The following PKMYT1 variants were observed in gnomAD, a reference collection of about 807,000 sequenced individuals.
PKMYT1 encodes the protein membrane-associated tyrosine- and threonine-specific cdc2-inhibitory kinase.
A neutral mutation model predicts 49.7 loss-of-function variants in PKMYT1; 35 were observed. That is an observed-to-expected ratio of 0.70 (90% CI 0.54 to 0.93). The LOEUF is 0.93. PKMYT1 is among the 40% of genes least tolerant of loss of function. The pLI is 0.00. For missense variants in PKMYT1, 677 were observed against 673.1 expected, an observed-to-expected ratio of 1.01 and a Z score of -0.06; for synonymous variants, 331 against 287.6, an observed-to-expected ratio of 1.15 and a Z score of -1.53.
intron 1 of PKMYT1, 103 bp from the exon 2 acceptor site, chr16:2,980,015 C>G: frequency 3.1e-6 from 1 of 321,660 alleles, no homozygotes; most frequent in Admixed American, 4.7e-5. Context: ...GAAGGACTGT[C>G]ACGGGGAGGG....
chr16:2,972,862 A>G lies in PKMYT1; in HGVS notation c.*91T>C. Reference sequence around the variant, plus strand: ...TATTAGACACGGCCAGGCAGAGAAGACCATGGGAGTTCCCGAGGGGCCCCA... The same window carrying G: ...TATTAGACACGGCCAGGCAGAGAAGGCCATGGGAGTTCCCGAGGGGCCCCA... On this transcript the variant is annotated 3_prime_UTR_variant, in exon 9 of 9. Coordinates refer to ENST00000262300, the MANE Select transcript of PKMYT1 (RefSeq NM_004203.5). 1 of 1,534,974 alleles carries G rather than the reference A, an allele frequency of 6.5e-7. No homozygotes were observed. The highest frequency in any genetic ancestry group is 8.8e-7 in the Non-Finnish European group (1 of 1,134,204).
Position 2,974,563 on chromosome 16 carries a change from AG to A in PKMYT1, c.965del (p.Pro322LeufsTer17). On this transcript the variant is annotated frameshift_variant, in exon 5 of 9. Coordinates refer to ENST00000262300, the MANE Select transcript of PKMYT1 (RefSeq NM_004203.5). LOFTEE classifies it high-confidence loss of function. ...TCACCTACTCACCGGCAGTGAACTC[AG>A]GGGGCAGGTAGCCCTGGCGCAGCTG... ...WQQLRQGYLP[P>X]EFTAGLSSEL... 1 of 1,575,440 alleles carries A rather than the reference AG, an allele frequency of 6.3e-7. No individual in the cohort carries two copies. The highest frequency in any genetic ancestry group is 8.6e-7 in the Non-Finnish European group (1 of 1,160,368).
intron 2 of PKMYT1, among the ~76,000 whole-genome samples, chr16:2,978,519 G>A (rs2072258006): frequency 6.6e-6 from 1 of 152,142 alleles, no homozygotes; most frequent in African/African-American, 2.4e-5. Context: ...AGGCTGAGGT[G>A]AGTAAATCAC....
rs748427736 is a variant in PKMYT1 at position 2,974,534 on chromosome 16, G to T, written c.979+16C>A. ...GGAGCCCGTGGCAGCACCCCCTCCC[G>T]CCCTCACCTACTCACCGGCAGTGAA... On this transcript the variant is annotated intron_variant, in intron 5 of 8. Coordinates refer to ENST00000262300, the MANE Select transcript of PKMYT1 (RefSeq NM_004203.5). The T allele has an allele frequency of 4.6e-5, 71 of 1,547,124 alleles. No individual in the cohort carries two copies. The highest frequency in any genetic ancestry group is 1.9e-5 in the Admixed American group (1 of 53,286).
chr16:2,979,579 G>T, intron 2 of PKMYT1, 69 bp downstream of exon 2: 1 of 1,301,640 alleles, frequency 7.7e-7, no homozygotes, highest in Non-Finnish European at 1.1e-6. Flanking sequence ...GCCCAACCCT[G>T]GCACACTCGG....
Position 2,979,922 on chromosome 16 carries a change from A to T in PKMYT1, c.-255-10T>A, listed in dbSNP as rs1244570430. 2 of 548,778 alleles carry T rather than the reference A, an allele frequency of 3.6e-6. No homozygotes were observed. Among genetic ancestry groups the T allele is most frequent in the African/African-American group, 1.9e-5 (1 of 52,686 alleles). 34.0% of individuals were successfully genotyped at this position (548,778 alleles called of 1,614,324 possible). A position where few individuals can be genotyped will look rare whatever the true frequency, so the allele number is the denominator to read the frequency against. On this transcript the variant is annotated splice_polypyrimidine_tract_variant and intron_variant, in intron 1 of 8. Coordinates refer to ENST00000262300, the MANE Select transcript of PKMYT1 (RefSeq NM_004203.5). Reference sequence around the variant, plus strand: ...TGGGTGTGGGGAAGCCCTGGCGAACAGAGCAGTGGACGGGCTGTCACGAGG... The same window carrying T: ...TGGGTGTGGGGAAGCCCTGGCGAACTGAGCAGTGGACGGGCTGTCACGAGG...
In PKMYT1 at chr16:2,975,819, G is replaced by A. The variant is rs756013470; in HGVS notation, c.379-7C>T. ...CGTCCTCCTTGGAGCGCACCTGGAA[G>A]GGAGGTGGTACCCACGCACACAGTG... On this transcript the variant is annotated splice_region_variant and splice_polypyrimidine_tract_variant and intron_variant, in intron 3 of 8. Coordinates refer to ENST00000262300, the MANE Select transcript of PKMYT1 (RefSeq NM_004203.5). The A allele has an allele frequency of 3.2e-6, 5 of 1,582,454 alleles. No individual in the cohort carries two copies. Among genetic ancestry groups the A allele is most frequent in the Admixed American group, 1.7e-5 (1 of 59,316 alleles).
Position 2,975,707 on chromosome 16 carries a change from C to T in PKMYT1, c.484G>A (p.Glu162Lys), listed in dbSNP as rs763225442. The change falls in exon 4 of 9, where the codon GAG becomes AAG. Residue 162 changes from glutamate (E) to lysine (K), a missense_variant. Glu to Lys is a moderately conservative substitution (Grantham distance 56, BLOSUM62 1). Transcript: ENST00000262300. ...CAGCATGGGTGCTGCCCCACCTTCT[C>T]GTGGCTGCCCACCTCGGCCAACTTG... is the stretch of plus-strand genomic sequence containing the variant. ...ARKLAEVGSH[E>K]KVGQHPCCVR... 6.2e-6 allele frequency: 10 copies of T among 1,607,620 alleles called. No homozygotes were observed. The highest frequency in any genetic ancestry group is 1.3e-5 in the African/African-American group (1 of 74,950).
At chr16:2,979,061 T>C (rs967719655) in intron 2 of PKMYT1, among the ~76,000 whole-genome samples, 2 of 148,558 alleles carry the variant, frequency 1.3e-5, no homozygotes, top group Admixed American at 6.7e-5. Flanking sequence ...AGCGGCTGGG[T>C]GTGGTGGCTC....
chr16:2,973,068 G>A lies in PKMYT1; in HGVS notation c.1389-4C>T, dbSNP rs1330336557. ...GTCACTTAGGTCCAGGGCATCCCTG[G>A]GAGGAGAGAGTAGTGACACTCAGGA... On this transcript the variant is annotated splice_polypyrimidine_tract_variant and splice_region_variant and intron_variant, in intron 8 of 8. Coordinates refer to ENST00000262300, the MANE Select transcript of PKMYT1 (RefSeq NM_004203.5). 2 of 1,596,354 alleles carry A rather than the reference G, an allele frequency of 1.3e-6. No homozygotes were observed. The highest frequency in any genetic ancestry group is 1.7e-6 in the Non-Finnish European group (2 of 1,172,454).
chr16:2,973,898 C>T, intron 7 of PKMYT1, 102 bp downstream of exon 7: 1 of 1,300,724 alleles, frequency 7.7e-7, no homozygotes, highest in South Asian at 1.4e-5. Context: ...TGATGGGGGC[C>T]AGGTTTGTGG....
rs778960521 is a variant in PKMYT1 at position 2,974,569 on chromosome 16, C to T, written c.960G>A (p.Leu320=). 19 of 1,578,374 alleles carry T rather than the reference C, an allele frequency of 1.2e-5. No individual in the cohort carries two copies. Among genetic ancestry groups the T allele is most frequent in the Middle Eastern group, 1.7e-4 (1 of 5,984 alleles). The change falls in exon 5 of 9, where the codon CTG becomes CTA. Residue 320 remains leucine (L), a synonymous_variant. Transcript: ENST00000262300. ...EGWQQLRQGY[L]PPEFTAGLSS... is the part of the protein sequence containing the mutation. ...ACTCACCGGCAGTGAACTCAGGGGG[C>T]AGGTAGCCCTGGCGCAGCTGCTGCC... is the stretch of plus-strand genomic sequence containing the variant.
In PKMYT1 at chr16:2,975,652, CCCT is replaced by C; in HGVS notation, c.536_538del (p.Glu179del). ...CTCCGTCTGCAGGTACAGGATGCCG[CCCT>C]CCTCCCAGGCCTGCTCCAGCCGCAC... On this transcript the variant is annotated inframe_deletion, in exon 4 of 9. Transcript: ENST00000262300. The C allele has an allele frequency of 6.2e-7, 1 of 1,611,424 alleles. No homozygotes were observed. The highest frequency in any genetic ancestry group is 8.5e-7 in the Non-Finnish European group (1 of 1,179,808).
chr16:2,977,216 G>A (rs2072222169), intron 2 of PKMYT1, 185 bp from the exon 3 acceptor site: 1 of 1,414,192 alleles, frequency 7.1e-7, no homozygotes, highest in Non-Finnish European at 9.2e-7. Context: ...ATACTCACCT[G>A]CCCACCAGGC....
intron 7 of PKMYT1, 43 bp downstream of exon 7, chr16:2,973,954 TCCC>T: frequency 3.2e-6 from 5 of 1,581,404 alleles, no homozygotes; most frequent in Non-Finnish European, 4.3e-6. Flanking sequence ...CCCGGTGATA[TCCC>T]CCACCTTCCC....
Position 2,974,144 on chromosome 16 carries a change from A to G in PKMYT1, c.1166T>C (p.Leu389Pro). 1 of 1,600,858 alleles carries G rather than the reference A, an allele frequency of 6.2e-7. No individual in the cohort carries two copies. Among genetic ancestry groups the G allele is most frequent in the Non-Finnish European group, 8.5e-7 (1 of 1,173,998 alleles). ...GWALWQALLA[L>P]LCWLWHGLAH... ...CAGCCCATGCCAGAGCCAGCAGAGCAGGGCAAGCAGGGCCTGTGGGGGAGA... is the reference window on the plus strand; with the variant it reads ...CAGCCCATGCCAGAGCCAGCAGAGCGGGGCAAGCAGGGCCTGTGGGGGAGA... The change falls in exon 7 of 9, where the codon CTG becomes CCG. Residue 389 changes from leucine to proline, a missense_variant. Physicochemically the swap from Leu to Pro is moderately conservative, Grantham distance 98 (BLOSUM62 -3). Coordinates refer to ENST00000262300, the MANE Select transcript of PKMYT1 (RefSeq NM_004203.5).
intron 2 of PKMYT1, 23 bp from the exon 3 acceptor site, chr16:2,977,054 A>G (rs745760064): frequency 6.3e-7 from 1 of 1,590,016 alleles, no homozygotes; most frequent in Admixed American, 1.7e-5. Context: ...ACAGAGGCTG[A>G]GTACAGGGCA....
chr16:2,976,763 C>T lies in PKMYT1; in HGVS notation c.279G>A (p.Gln93=). 1 of 1,572,178 alleles carries T rather than the reference C, an allele frequency of 6.4e-7. No individual in the cohort carries two copies. Among genetic ancestry groups the T allele is most frequent in the Non-Finnish European group, 8.6e-7 (1 of 1,156,296 alleles). Residue 93 remains glutamine, a synonymous_variant, in exon 3 of 9, where the codon CAG becomes CAA. Coordinates refer to ENST00000262300, the MANE Select transcript of PKMYT1 (RefSeq NM_004203.5). ...GCCGGCTTGGGTCATACCCAGGGCT[C>T]TGCAGAGTCTCTGAGGCCTCGCCCC... The part of the protein sequence containing the change: ...SFRGEASETL[Q]SPGYDPSRPE...
At position 2,980,286 on chromosome 16, in the gene PKMYT1, C is replaced by G. The variant is rs1373987525; in HGVS notation, c.-256G>C. ...CCCTCACGGCGGGGTCTGGGCTCAC[C>G]TGGGGCGACTGGGCGGGGCGCGGGT... On this transcript the variant is annotated splice_region_variant and 5_prime_UTR_variant, in exon 1 of 9. Coordinates refer to ENST00000262300, the MANE Select transcript of PKMYT1 (RefSeq NM_004203.5). 1.3e-5 allele frequency: 2 copies of G among 152,416 alleles called. No individual in the cohort carries two copies. The highest frequency in any genetic ancestry group is 1.9e-4 in the East Asian group (1 of 5,164). 9.4% of individuals were successfully genotyped at this position (152,416 alleles called of 1,614,324 possible).
Sources: allele counts gnomAD v4.1 joint callset (sites outside exome capture counted in the v4.1 genomes callset), GRCh38; gene constraint gnomAD v4.1.1; transcripts MANE v1.5; gene names NCBI Gene and HGNC (gene_info 2026-07-23, HGNC 2026-07-21).